Variants in SLC22A23 observed in about 807,000 individuals in gnomAD.
SLC22A23 encodes solute carrier family 22 member 23.
SLC22A23 carries 26 observed loss-of-function variants against 61.0 expected under a neutral mutation model. That is an observed-to-expected ratio of 0.43 (90% CI 0.31 to 0.59). SLC22A23 has a LOEUF of 0.59. SLC22A23 is among the 20% of genes least tolerant of loss of function. The pLI is 0.11. For synonymous variants in SLC22A23, 430 were observed against 413.9 expected, an observed-to-expected ratio of 1.04 and a Z score of -0.47; for missense variants, 796 against 934.7, an observed-to-expected ratio of 0.85 and a Z score of 1.94.
In SLC22A23 at chr6:3,360,138, G is replaced by C. The variant is rs553785796; in HGVS notation, c.914-36136C>G. On this transcript the variant is annotated intron_variant, in intron 3 of 9. Coordinates refer to ENST00000406686, the MANE Select transcript of SLC22A23 (RefSeq NM_015482.2). This position sits in a 1 kb window ranked among gnomAD's most constrained non-coding sequence, Gnocchi z 4.6. ...GAATGGGGAGTGTTTATTGGGGACA[G>C]AGTTTGTTTGGGAAGATGAAAAGAC... 6.6e-6 allele frequency among the ~76,000 whole-genome samples: 1 copy of C among 152,320 alleles called. No individual in the cohort carries two copies. The highest frequency in any genetic ancestry group is 2.1e-4 in the South Asian group (1 of 4,828).
chr6:3,419,555 T>A (rs2127527601), intron 1 of SLC22A23, among the ~76,000 whole-genome samples: 1 of 152,346 alleles, frequency 6.6e-6, no homozygotes, highest in South Asian at 2.1e-4. Context: ...GCATCCATTT[T>A]GCTGGTCAGC....
intron 4 of SLC22A23, among the ~76,000 whole-genome samples, chr6:3,315,221 G>T (rs1018251427): frequency 2.0e-5 from 3 of 152,058 alleles, no homozygotes; most frequent in Non-Finnish European, 4.4e-5. Flanking sequence ...GATGGAATTG[G>T]GTGTGGAAAG....
intron 3 of SLC22A23, among the ~76,000 whole-genome samples, chr6:3,401,941 T>C (rs1318075138): frequency 6.6e-6 from 1 of 152,210 alleles, no homozygotes; most frequent in African/African-American, 2.4e-5. Context: ...CATCTTCCCC[T>C]GTCAGACTCA....
intron 3 of SLC22A23, among the ~76,000 whole-genome samples, chr6:3,348,334 T>C (rs1162076333): frequency 6.6e-6 from 1 of 152,198 alleles, no homozygotes; most frequent in Admixed American, 6.5e-5. Context: ...AGGCGCCATC[T>C]TTCCTGGAGC....
intron 3 of SLC22A23, among the ~76,000 whole-genome samples, chr6:3,395,951 C>G (rs113720736): frequency 1.3e-5 from 2 of 152,204 alleles, no homozygotes; most frequent in Middle Eastern, 3.4e-3. Flanking sequence ...TTGGAAGTTA[C>G]GAGAACTCAT....
chr6:3,339,552 C>G (rs1012898333), intron 3 of SLC22A23, among the ~76,000 whole-genome samples: 1 of 152,074 alleles, frequency 6.6e-6, no homozygotes. Flanking sequence ...GACAGGAGGT[C>G]GGCACAAAAG....
rs1161890135 is a variant in SLC22A23, at chr6:3,360,795, C to G, written c.914-36793G>C. Among the ~76,000 whole-genome samples the G allele has an allele frequency of 6.6e-6, 1 of 152,164 alleles. No homozygotes were observed. The highest frequency in any genetic ancestry group is 2.4e-5 in the African/African-American group (1 of 41,436). On this transcript the variant is annotated intron_variant, in intron 3 of 9. Transcript: ENST00000406686. The surrounding 1 kb of genome is among the most constrained non-coding windows in gnomAD (Gnocchi z 4.6). ...TGCAGACGGGCCCCTCTGATGGAGA[C>G]CTGCGTTCGGCCAGGCAGGCCCACA... is the stretch of plus-strand genomic sequence containing the variant.
intron 3 of SLC22A23, among the ~76,000 whole-genome samples, chr6:3,391,029 T>C (rs541619073): frequency 2.0e-5 from 3 of 152,264 alleles, no homozygotes; most frequent in East Asian, 1.9e-4. Flanking sequence ...AAAATGCCCC[T>C]GACAAGAAGA....
chr6:3,362,436 T>TAAAAA, intron 3 of SLC22A23, among the ~76,000 whole-genome samples: 1 of 60,592 alleles, frequency 1.7e-5, no homozygotes, highest in Admixed American at 1.7e-4. Context: ...AAATAAAAAA[T>TAAAAA]AAAAATTAGC....
chr6:3,331,276 T>G (rs1056959484), intron 3 of SLC22A23, among the ~76,000 whole-genome samples: 2 of 152,146 alleles, frequency 1.3e-5, no homozygotes, highest in Non-Finnish European at 1.5e-5. Context: ...GAATCTAAGC[T>G]CCAAGGAGGG....
chr6:3,446,832 C>A (rs117912484), intron 1 of SLC22A23, among the ~76,000 whole-genome samples: 1 of 152,212 alleles, frequency 6.6e-6, no homozygotes, highest in Non-Finnish European at 1.5e-5. Context: ...ACTCCACATG[C>A]CCTCCATTGA....
intron 1 of SLC22A23, among the ~76,000 whole-genome samples, chr6:3,448,073 T>C (rs1771996558): frequency 6.6e-6 from 1 of 151,390 alleles, no homozygotes; most frequent in South Asian, 2.1e-4. Context: ...CAGCTAATTT[T>C]TGTATATTTA....
At chr6:3,341,993 G>C (rs2127423293) in intron 3 of SLC22A23, among the ~76,000 whole-genome samples, 1 of 152,258 alleles carries the variant, frequency 6.6e-6, no homozygotes, top group East Asian at 1.9e-4. Flanking sequence ...GATAGAGGAA[G>C]ACATCTGTTC....
rs1247883518 is a variant in SLC22A23, at chr6:3,330,675, T to G, written c.914-6673A>C. On this transcript the variant is annotated intron_variant, in intron 3 of 9. Coordinates refer to ENST00000406686, the MANE Select transcript of SLC22A23 (RefSeq NM_015482.2). This position sits in a 1 kb window ranked among gnomAD's most constrained non-coding sequence, Gnocchi z 4.7. ...AAATTGCCAGTCATGGAGACCCAAA[T>G]AGCATTTGAGGGTATTCCTGTAAAA... 6.6e-6 allele frequency among the ~76,000 whole-genome samples: 1 copy of G among 152,198 alleles called. No individual in the cohort carries two copies. Among genetic ancestry groups the G allele is most frequent in the Admixed American group, 6.5e-5 (1 of 15,288 alleles).
chr6:3,352,796 G>A lies in SLC22A23; in HGVS notation c.914-28794C>T, dbSNP rs1055895034. 5.9e-5 allele frequency among the ~76,000 whole-genome samples: 9 copies of A among 152,158 alleles called. No individual in the cohort carries two copies. The South Asian group carries it at 1.7e-3, about 28-fold the overall frequency. Reference sequence around the variant, plus strand: ...AATTCTTTAATTAATCTGAGTGAAGGAAAAGCACATAGTGCAAACCCAGAG... The same window carrying A: ...AATTCTTTAATTAATCTGAGTGAAGAAAAAGCACATAGTGCAAACCCAGAG... On this transcript the variant is annotated intron_variant, in intron 3 of 9. Coordinates refer to ENST00000406686, the MANE Select transcript of SLC22A23 (RefSeq NM_015482.2).
intron 3 of SLC22A23, among the ~76,000 whole-genome samples, chr6:3,334,324 C>T (rs1450679774): frequency 1.3e-5 from 2 of 152,126 alleles, no homozygotes; most frequent in Non-Finnish European, 2.9e-5. Flanking sequence ...ATCGTGCCTG[C>T]TAATTTTTGT....
intron 3 of SLC22A23, among the ~76,000 whole-genome samples, chr6:3,370,181 A>AAAAAC (rs1218377746): frequency 7.9e-5 from 12 of 152,356 alleles, no homozygotes; most frequent in Middle Eastern, 3.4e-3. Context: ...TTTTCTTTCA[A>AAAAAC]AAAACAAAAA....
chr6:3,374,256 T>C (rs1225148466), intron 3 of SLC22A23, among the ~76,000 whole-genome samples: 2 of 152,264 alleles, frequency 1.3e-5, no homozygotes, highest in East Asian at 1.9e-4. Flanking sequence ...CTCAGCTATA[T>C]GTCCAGGCTC....
chr6:3,298,529 A>C (rs1259702028), intron 4 of SLC22A23, among the ~76,000 whole-genome samples: 1 of 152,012 alleles, frequency 6.6e-6, no homozygotes, highest in African/African-American at 2.4e-5. Context: ...GAGGCTGGGA[A>C]GGGTGGGGGG....
Sources: gnomAD v4.1 joint callset for allele counts (sites outside exome capture counted in the v4.1 genomes callset) on GRCh38, gnomAD v4.1.1 for gene constraint, Gnocchi (gnomAD v3.1) non-coding constraint, MANE v1.5 for transcripts, NCBI Gene and HGNC (gene_info 2026-07-23, HGNC 2026-07-21) for gene names.